PCDHGA10: variants seen among roughly 807,000 people sequenced by gnomAD.
PCDHGA10 encodes protocadherin gamma-A10.
Under a neutral mutation model 59.5 loss-of-function variants are expected in PCDHGA10, and 42 were observed. The ratio of observed to expected loss-of-function variants is 0.71; its 90% CI spans 0.55 to 0.91. The LOEUF is 0.91. PCDHGA10 is among the 40% of genes least tolerant of loss of function. The pLI is 0.00. For missense variants in PCDHGA10, 1,111 were observed against 1,198.2 expected, an observed-to-expected ratio of 0.93 and a Z score of 1.07; for synonymous variants, 511 against 517.2, an observed-to-expected ratio of 0.99 and a Z score of 0.16.
intron 1 of PCDHGA10, chr5:141,418,959 C>A: frequency 6.2e-7 from 1 of 1,613,976 alleles, no homozygotes; most frequent in East Asian, 2.2e-5. Flanking sequence ...GTGGTTGTTG[C>A]CCTCTTCAAA....
chr5:141,451,582 T>C (rs1361047985), intron 1 of PCDHGA10, among the ~76,000 whole-genome samples: 1 of 152,012 alleles, frequency 6.6e-6, no homozygotes, highest in Non-Finnish European at 1.5e-5. Flanking sequence ...TAAACCTAAT[T>C]TTGAAAGTGA....
intron 1 of PCDHGA10, among the ~76,000 whole-genome samples, chr5:141,444,150 GGAT>G (rs2098419400): frequency 8.8e-6 from 1 of 114,014 alleles, no homozygotes; most frequent in African/African-American, 3.4e-5. Context: ...TGTGTGTACT[GGAT>G]TTTTTTTTTT....
chr5:141,475,749 A>G (rs1039777629), intron 1 of PCDHGA10, among the ~76,000 whole-genome samples: 13 of 152,278 alleles, frequency 8.5e-5, no homozygotes, highest in Admixed American at 6.5e-5. Context: ...TAGGTTTCCT[A>G]TGCACCGATA....
chr5:141,476,054 A>T lies in PCDHGA10; in HGVS notation c.2437-18753A>T. The T allele has an allele frequency of 3.3e-6, 5 of 1,504,982 alleles. No homozygotes were observed. The highest frequency in any genetic ancestry group is 4.4e-6 in the Non-Finnish European group (5 of 1,134,040). 93.2% of individuals were successfully genotyped at this position (1,504,982 alleles called of 1,614,324 possible). A position where few individuals can be genotyped will look rare whatever the true frequency, so the allele number is the denominator to read the frequency against. ...AGCGCCCAAGCGCTAACCCGCTGAA[A>T]GTTTCTCAGCGAAATCTCAGGGACG... On this transcript the variant is annotated intron_variant, in intron 1 of 3. Coordinates refer to ENST00000398610, the MANE Select transcript of PCDHGA10 (RefSeq NM_018913.3). The surrounding 1 kb of genome is among the most constrained non-coding windows in gnomAD (Gnocchi z 7.6).
intron 1 of PCDHGA10, 23 bp downstream of exon 1, chr5:141,415,634 C>T: frequency 6.3e-7 from 1 of 1,589,948 alleles, no homozygotes; most frequent in East Asian, 2.3e-5. Flanking sequence ...TTCATTTTTA[C>T]TTTTGTTAAA....
rs527630741 is a variant in PCDHGA10, at chr5:141,493,568, G to A, written c.2437-1239G>A. ...TTGGAGATTGAGTTCCCCCAGCTCC[G>A]TTTCCTCCTATCACAATCACTGCAT... is the stretch of plus-strand genomic sequence containing the variant. On this transcript the variant is annotated intron_variant, in intron 1 of 3. Coordinates refer to ENST00000398610, the MANE Select transcript of PCDHGA10 (RefSeq NM_018913.3). This position sits in a 1 kb window ranked among gnomAD's most constrained non-coding sequence, Gnocchi z 4.3. 3.9e-5 allele frequency among the ~76,000 whole-genome samples: 6 copies of A among 152,250 alleles called. No homozygotes were observed. Among genetic ancestry groups the A allele is most frequent in the African/African-American group, 9.6e-5 (4 of 41,550 alleles).
Position 141,486,443 on chromosome 5 carries a change from A to G in PCDHGA10, c.2437-8364A>G, listed in dbSNP as rs747419698. Reference sequence around the variant, plus strand: ...AGAGGCCAAATCTAGCTATGACATCATGGTCACTGCTTCTGATGCTGGGAA... The same window carrying G: ...AGAGGCCAAATCTAGCTATGACATCGTGGTCACTGCTTCTGATGCTGGGAA... On this transcript the variant is annotated intron_variant, in intron 1 of 3. Transcript: ENST00000398610. The surrounding 1 kb of genome is among the most constrained non-coding windows in gnomAD (Gnocchi z 5.0). The G allele has an allele frequency of 1.9e-6, 3 of 1,614,060 alleles. No individual in the cohort carries two copies. Among genetic ancestry groups the G allele is most frequent in the South Asian group, 2.2e-5 (2 of 91,080 alleles).
intron 1 of PCDHGA10, chr5:141,426,568 C>T: frequency 5.6e-6 from 2 of 354,402 alleles, no homozygotes; most frequent in Non-Finnish European, 5.6e-6. Flanking sequence ...TCGAGAGTCA[C>T]TGTCTTCAAA....
rs769467027 is a variant in PCDHGA10, at chr5:141,477,255, A to G, written c.2437-17552A>G. On this transcript the variant is annotated intron_variant, in intron 1 of 3. Transcript: ENST00000398610. This position sits in a 1 kb window ranked among gnomAD's most constrained non-coding sequence, Gnocchi z 4.9. ...GCTTTGCTCAGTGTGACTGACCTGGATGCTGGCGAGAACGGGCTGGTGACC... is the reference window on the plus strand; with the variant it reads ...GCTTTGCTCAGTGTGACTGACCTGGGTGCTGGCGAGAACGGGCTGGTGACC... 1 of 1,614,146 alleles carries G rather than the reference A, an allele frequency of 6.2e-7. No individual in the cohort carries two copies. Among genetic ancestry groups the G allele is most frequent in the East Asian group, 2.2e-5 (1 of 44,874 alleles).
intron 1 of PCDHGA10, among the ~76,000 whole-genome samples, chr5:141,483,208 G>A (rs1195144442): frequency 6.6e-6 from 1 of 152,196 alleles, no homozygotes; most frequent in East Asian, 1.9e-4. Context: ...ATTCCATATA[G>A]ATGACAGTCA....
chr5:141,461,560 T>G (rs1355320881), intron 1 of PCDHGA10, among the ~76,000 whole-genome samples: 1 of 152,234 alleles, frequency 6.6e-6, no homozygotes, highest in African/African-American at 2.4e-5. Context: ...ATGTGTACTT[T>G]GCAAAGATAA....
chr5:141,487,748 T>A lies in PCDHGA10; in HGVS notation c.2437-7059T>A, dbSNP rs1458153935. ...TGTCACCATTTTTGTAAGAGGTAACTATGTGGTAGACGCTGTGCTTTGTAA... is the reference window on the plus strand; with the variant it reads ...TGTCACCATTTTTGTAAGAGGTAACAATGTGGTAGACGCTGTGCTTTGTAA... On this transcript the variant is annotated intron_variant, in intron 1 of 3. Transcript: ENST00000398610. This position sits in a 1 kb window ranked among gnomAD's most constrained non-coding sequence, Gnocchi z 5.0. 6.4e-7 allele frequency: 1 copy of A among 1,557,554 alleles called. No homozygotes were observed. The highest frequency in any genetic ancestry group is 1.2e-5 in the South Asian group (1 of 84,814).
intron 1 of PCDHGA10, among the ~76,000 whole-genome samples, chr5:141,464,151 G>A (rs2099076865): frequency 6.6e-6 from 1 of 151,818 alleles, no homozygotes; most frequent in Non-Finnish European, 1.5e-5. Flanking sequence ...TGTAGTCCCA[G>A]CTACTTGGAA....
rs763286826 is a variant in PCDHGA10, at chr5:141,415,300, C to T, written c.2125C>T (p.Leu709=). The change falls in exon 1 of 4, where the codon CTG becomes TTG. Residue 709 remains leucine, a synonymous_variant. Transcript: ENST00000398610. ...GGTGGCCGCGGTCTCCTGCGTCTTC[C>T]TGGCCTTCGTCATCGTGCTGCTGGC... ...VAVAAVSCVF[L]AFVIVLLAHR... is the part of the protein sequence containing the mutation. 5 of 1,614,222 alleles carry T rather than the reference C, an allele frequency of 3.1e-6. No individual in the cohort carries two copies. The highest frequency in any genetic ancestry group is 4.5e-5 in the East Asian group (2 of 44,884).
rs1289898516 is a variant in PCDHGA10 at position 141,487,019 on chromosome 5, C to G, written c.2437-7788C>G. ...CTATCAGCTCCTGGAGGCCCCAGAT[C>G]CCAGCCTGTTTGCAGTCTCTCGATA... On this transcript the variant is annotated intron_variant, in intron 1 of 3. Transcript: ENST00000398610. The surrounding 1 kb of genome is among the most constrained non-coding windows in gnomAD (Gnocchi z 5.0). 1 of 1,614,204 alleles carries G rather than the reference C, an allele frequency of 6.2e-7. No homozygotes were observed. The highest frequency in any genetic ancestry group is 8.5e-7 in the Non-Finnish European group (1 of 1,180,042).
intron 1 of PCDHGA10, among the ~76,000 whole-genome samples, chr5:141,452,579 A>G (rs1320327475): frequency 6.6e-6 from 1 of 151,944 alleles, no homozygotes; most frequent in Non-Finnish European, 1.5e-5. Context: ...CCCCCTTTCC[A>G]TCTTTGTATT....
At chr5:141,505,344 AGCT>A in intron 2 of PCDHGA10, 46 bp from the exon 3 acceptor site, 1 of 1,613,046 alleles carries the variant, frequency 6.2e-7, no homozygotes, top group South Asian at 1.1e-5. Flanking sequence ...GAGGGGCATG[AGCT>A]GTGCCGGCCT....
chr5:141,442,716 G>A (rs1367250926), intron 1 of PCDHGA10, among the ~76,000 whole-genome samples: 1 of 152,206 alleles, frequency 6.6e-6, no homozygotes, highest in East Asian at 1.9e-4. Context: ...ACATGCCAGA[G>A]CATTTGGGGC....
At chr5:141,435,214 A>T (rs1314928643) in intron 1 of PCDHGA10, among the ~76,000 whole-genome samples, 1 of 152,176 alleles carries the variant, frequency 6.6e-6, no homozygotes, top group Non-Finnish European at 1.5e-5. Context: ...AAGTGAATTT[A>T]CTTTCTTTCA....
Sources: allele counts gnomAD v4.1 joint callset (sites outside exome capture counted in the v4.1 genomes callset), GRCh38; gene constraint gnomAD v4.1.1; non-coding constraint Gnocchi (gnomAD v3.1); transcripts MANE v1.5; gene names NCBI Gene and HGNC (gene_info 2026-07-23, HGNC 2026-07-21).